Variants in ABCC4 observed in about 807,000 individuals in gnomAD.
ABCC4 encodes the protein ATP binding cassette subfamily C member 4 (PEL blood group).
Under a neutral mutation model 168.5 loss-of-function variants are expected in ABCC4, and 102 were observed. That is an observed-to-expected ratio of 0.61 (90% CI 0.52 to 0.71). The LOEUF (loss-of-function observed/expected upper bound fraction) is 0.71. Ranked by LOEUF, ABCC4 falls within the 30% of genes least tolerant of loss-of-function variation. The probability of loss-of-function intolerance (pLI) is 0.00; values close to 1 mark genes in which losing one functional copy is unlikely to be tolerated. For synonymous variants in ABCC4, 617 were observed against 590.7 expected, an observed-to-expected ratio of 1.04 and a Z score of -0.65; for missense variants, 1,402 against 1,605.8, an observed-to-expected ratio of 0.87 and a Z score of 2.17.
At chr13:95,084,128 T>C (rs1258681870) in intron 20 of ABCC4, among the ~76,000 whole-genome samples, 2 of 152,224 alleles carry the variant, frequency 1.3e-5, no homozygotes, top group Non-Finnish European at 2.9e-5. Flanking sequence ...TTGCTAACAT[T>C]TACTGAATGC....
Position 95,070,817 on chromosome 13 carries a change from A to G in ABCC4, c.3210+845T>C, listed in dbSNP as rs368275548. 7.2e-4 allele frequency among the ~76,000 whole-genome samples: 109 copies of G among 152,320 alleles called. 4 individuals carry two copies. The South Asian group carries it at 0.022, about 30-fold the overall frequency. On this transcript the variant is annotated intron_variant, in intron 25 of 30. Coordinates refer to ENST00000645237, the MANE Select transcript of ABCC4 (RefSeq NM_005845.5). ...ATCAGATCTGTGATCAAACTGTTTC[A>G]GAAAGAAAGAGTTTGCAGTGAAAGG... is the stretch of plus-strand genomic sequence containing the variant.
intron 13 of ABCC4, 66 bp from the exon 14 acceptor site, chr13:95,170,694 C>T: frequency 1.1e-6 from 1 of 934,340 alleles, no homozygotes; most frequent in South Asian, 1.5e-5. Context: ...GAAAAACATA[C>T]ATTTTGAAAC....
chr13:95,205,558 T>C (rs1432226795), intron 8 of ABCC4, among the ~76,000 whole-genome samples: 1 of 152,254 alleles, frequency 6.6e-6, no homozygotes, highest in Non-Finnish European at 1.5e-5. Context: ...GAGCATACAT[T>C]ATGTGCCAGG....
chr13:95,101,134 G>A (rs1352267605), intron 20 of ABCC4, among the ~76,000 whole-genome samples: 1 of 152,090 alleles, frequency 6.6e-6, no homozygotes, highest in African/African-American at 2.4e-5. Flanking sequence ...CCCTAGGGAA[G>A]AAATGACTGA....
At chr13:95,116,094 G>A in intron 19 of ABCC4, 93 bp from the exon 20 acceptor site, 10 of 861,476 alleles carry the variant, frequency 1.2e-5, no homozygotes, top group Non-Finnish European at 1.8e-5. Flanking sequence ...TATTTTAAAT[G>A]CATATGTATT....
intron 28 of ABCC4, 112 bp downstream of exon 28, chr13:95,044,154 G>T: frequency 2.8e-6 from 3 of 1,085,496 alleles, no homozygotes; most frequent in African/African-American, 1.6e-5. Context: ...ATGTTAAAAT[G>T]TTATGTCTGG....
chr13:95,166,529 T>G (rs72643631), intron 14 of ABCC4, among the ~76,000 whole-genome samples, 162 bp from the exon 15 acceptor site: 60 of 152,364 alleles, frequency 3.9e-4, no homozygotes, highest in Non-Finnish European at 6.5e-4. Flanking sequence ...GATACACAAC[T>G]GAGTGTTCTG....
rs569273484 is a variant in ABCC4 at position 95,108,879 on chromosome 13, C to T, written c.2535+7043G>A. On this transcript the variant is annotated intron_variant, in intron 20 of 30. Coordinates refer to ENST00000645237, the MANE Select transcript of ABCC4 (RefSeq NM_005845.5). ...TCCTCCATACAATGTGCCCCTCCCTCAACCTGCCCCCATATCTTCTTTGCA... is the reference window on the plus strand; with the variant it reads ...TCCTCCATACAATGTGCCCCTCCCTTAACCTGCCCCCATATCTTCTTTGCA... Among the ~76,000 whole-genome samples the T allele has an allele frequency of 2.0e-5, 3 of 152,256 alleles. No individual in the cohort carries two copies. In the South Asian group the frequency reaches 6.2e-4, roughly 32 times the overall value.
chr13:95,245,481 T>C (rs2040080614), intron 3 of ABCC4, among the ~76,000 whole-genome samples: 1 of 152,210 alleles, frequency 6.6e-6, no homozygotes, highest in Admixed American at 6.5e-5. Flanking sequence ...CAACTGAAAC[T>C]GATCGGGGCC....
At chr13:95,130,148 C>T (rs2035912358) in intron 19 of ABCC4, among the ~76,000 whole-genome samples, 1 of 151,408 alleles carries the variant, frequency 6.6e-6, no homozygotes, top group African/African-American at 2.4e-5. Flanking sequence ...TTTGACTTTG[C>T]TTATACCTTG....
At chr13:95,251,818 AT>A (rs1566570248) in intron 1 of ABCC4, among the ~76,000 whole-genome samples, 1 of 152,216 alleles carries the variant, frequency 6.6e-6, no homozygotes, top group Non-Finnish European at 1.5e-5. Context: ...CTATACAGTC[AT>A]CCCCCCATAT....
In ABCC4 at chr13:95,040,982, G is replaced by A. The variant is rs542935142; in HGVS notation, c.3735+2700C>T. On this transcript the variant is annotated intron_variant, in intron 29 of 30. Transcript: ENST00000645237. ...CACACTACCAGGGAGAATCCAGAGC[G>A]TTGTAAGGACGGGTGTGCAGGGACT... 6.5e-4 allele frequency among the ~76,000 whole-genome samples: 99 copies of A among 152,204 alleles called. 1 individual carries two copies. The highest frequency in any genetic ancestry group is 1.2e-3 in the Non-Finnish European group (81 of 68,040).
intron 1 of ABCC4, among the ~76,000 whole-genome samples, chr13:95,264,172 G>A (rs1046077818): frequency 6.6e-5 from 10 of 152,004 alleles, no homozygotes; most frequent in African/African-American, 2.2e-4. Context: ...GTGAATAAAT[G>A]GGGAAAACAG....
At chr13:95,126,551 C>T (rs1175371882) in intron 19 of ABCC4, among the ~76,000 whole-genome samples, 1 of 151,676 alleles carries the variant, frequency 6.6e-6, no homozygotes, top group Middle Eastern at 3.4e-3. Flanking sequence ...CCACTACCCA[C>T]CCTATGTAAA....
chr13:95,034,645 C>T lies in ABCC4; in HGVS notation c.3830G>A (p.Gly1277Asp). 6.2e-7 allele frequency: 1 copy of T among 1,614,202 alleles called. No homozygotes were observed. Among genetic ancestry groups the T allele is most frequent in the African/African-American group, 1.3e-5 (1 of 75,062 alleles). ...SLFYKMVQQL[G>D]KAEAAALTET... The stretch of plus-strand genomic sequence containing the variant: ...AGTGAGGGCAGCGGCTTCTGCCTTG[C>T]CCAGTTGTTGCACCATCTTGTAAAA... Residue 1277 changes from glycine to aspartate, a missense_variant, in exon 30 of 31, where the codon GGC (glycine) becomes GAC (aspartate). Transcript: ENST00000645237.
intron 11 of ABCC4, among the ~76,000 whole-genome samples, chr13:95,182,597 C>T (rs994111601): frequency 6.6e-6 from 1 of 152,136 alleles, no homozygotes; most frequent in Non-Finnish European, 1.5e-5. Flanking sequence ...ATTAAGAAGG[C>T]CTGTTATGTG....
At chr13:95,164,352 G>A (rs1401525651) in intron 16 of ABCC4, 26 bp downstream of exon 16, 3 of 1,612,826 alleles carry the variant, frequency 1.9e-6, no homozygotes, top group South Asian at 2.2e-5. Context: ...TCATTTTGAG[G>A]GCGCAAAACA....
intron 1 of ABCC4, among the ~76,000 whole-genome samples, chr13:95,263,633 G>C (rs1298678016): frequency 6.6e-6 from 1 of 152,072 alleles, no homozygotes; most frequent in East Asian, 1.9e-4. Flanking sequence ...GACCAGCCTG[G>C]CCAACATGGT....
intron 19 of ABCC4, among the ~76,000 whole-genome samples, chr13:95,155,251 C>T (rs938285902): frequency 6.6e-6 from 1 of 151,456 alleles, no homozygotes; most frequent in African/African-American, 2.4e-5. Context: ...TGCAGTGATG[C>T]AATCACAGCT....
Sources: gnomAD v4.1 joint callset for allele counts (sites outside exome capture counted in the v4.1 genomes callset) on GRCh38, gnomAD v4.1.1 for gene constraint, MANE v1.5 for transcripts, NCBI Gene and HGNC (gene_info 2026-07-23, HGNC 2026-07-21) for gene names.